Variants in CNGB1 observed in about 807,000 individuals in gnomAD.
CNGB1 encodes the protein cyclic nucleotide gated channel subunit beta 1.
CNGB1 carries 126 observed loss-of-function variants against 151.7 expected under a neutral mutation model. The ratio of observed to expected loss-of-function variants is 0.83; its 90% confidence interval spans 0.72 to 0.96. The LOEUF is 0.96. CNGB1 is among the 40% of genes least tolerant of loss of function. The pLI is 0.00. For missense variants in CNGB1, 1,698 were observed against 1,627.0 expected (o/e 1.04, Z -0.75); for synonymous variants, 623 against 635.1 (o/e 0.98, Z 0.29).
At position 57,887,948 on chromosome 16, in the gene CNGB1, C is replaced by G. The variant is rs778177540; in HGVS notation, c.3369G>C (p.Gly1123=). Residue 1123 remains glycine, a synonymous_variant, in exon 32 of 33, where the codon GGG becomes GGC. Transcript: ENST00000251102. The part of the protein sequence containing the change: ...LAMTGKMGGK[G]AKGGKLAHLR... ...GGTGAGCAAGTTTGCCGCCTTTTGC[C>G]CCCTTGCCACCCATCTTTCCTGTCA... is the stretch of plus-strand genomic sequence containing the variant. 46 of 1,614,086 alleles carry G rather than the reference C, an allele frequency of 2.8e-5. No homozygotes were observed. Among genetic ancestry groups the G allele is most frequent in the Non-Finnish European group, 3.8e-5 (45 of 1,180,042 alleles).
intron 13 of CNGB1, 101 bp downstream of exon 13, chr16:57,950,279 TG>T (rs1218581572): frequency 2.2e-6 from 3 of 1,389,754 alleles, no homozygotes; most frequent in Non-Finnish European, 3.1e-6. Flanking sequence ...GAAGCAGGCT[TG>T]GTTCCTGCTC....
chr16:57,943,102 C>T (rs1214928862), intron 14 of CNGB1, among the ~76,000 whole-genome samples: 1 of 152,016 alleles, frequency 6.6e-6, no homozygotes, highest in Non-Finnish European at 1.5e-5. Flanking sequence ...TGAAGAAACA[C>T]CCTACAGAAC....
At chr16:57,941,438 G>A (rs1362410829) in intron 14 of CNGB1, among the ~76,000 whole-genome samples, 5 of 152,186 alleles carry the variant, frequency 3.3e-5, no homozygotes, top group African/African-American at 7.2e-5. Flanking sequence ...TTGCCTAGTC[G>A]GTCTGGAGCC....
At position 57,922,298 on chromosome 16, in the gene CNGB1, G is replaced by A. The variant is rs572545588; in HGVS notation, c.1643+975C>T. ...GGCAGAGCCCAGGGCCCGGGTATTC[G>A]CCATCCACCAGAGCTTCTCAGATCC... On this transcript the variant is annotated intron_variant, in intron 18 of 32. Coordinates refer to ENST00000251102, the MANE Select transcript of CNGB1 (RefSeq NM_001297.5). 6.6e-5 allele frequency among the ~76,000 whole-genome samples: 10 copies of A among 152,210 alleles called. No homozygotes were observed. In the South Asian group the frequency reaches 1.2e-3, roughly 19 times the overall value.
chr16:57,922,629 A>G (rs1233180097), intron 18 of CNGB1, among the ~76,000 whole-genome samples: 1 of 151,654 alleles, frequency 6.6e-6, no homozygotes, highest in Non-Finnish European at 1.5e-5. Context: ...GGGTTTCACC[A>G]TATTGGTCAG....
intron 14 of CNGB1, among the ~76,000 whole-genome samples, chr16:57,948,247 G>A (rs569503099): frequency 4.0e-5 from 6 of 151,746 alleles, no homozygotes; most frequent in Non-Finnish European, 5.9e-5. Context: ...GCTCCCCATC[G>A]CCTTTGGGAA....
At chr16:57,953,956 G>A (rs1050008500) in intron 12 of CNGB1, among the ~76,000 whole-genome samples, 2 of 152,082 alleles carry the variant, frequency 1.3e-5, no homozygotes, top group Non-Finnish European at 2.9e-5. Flanking sequence ...TCTGGGGTAG[G>A]ACATTTTTCA....
intron 16 of CNGB1, among the ~76,000 whole-genome samples, chr16:57,939,164 T>C (rs17821436): frequency 0.3 from 46,282 of 151,890 alleles, 7,498 homozygotes; most frequent in South Asian, 0.46. Context: ...AGGAGTTGGC[T>C]GGGATCGGGA....
At chr16:57,938,773 G>A (rs897644981) in intron 16 of CNGB1, among the ~76,000 whole-genome samples, 2 of 152,192 alleles carry the variant, frequency 1.3e-5, no homozygotes, top group Non-Finnish European at 2.9e-5. Flanking sequence ...AACACCTGCC[G>A]GCCAGGGGTT....
intron 17 of CNGB1, among the ~76,000 whole-genome samples, chr16:57,928,871 T>G (rs1270950403): frequency 6.6e-6 from 1 of 152,182 alleles, no homozygotes; most frequent in Non-Finnish European, 1.5e-5. Context: ...ACCCCTGACC[T>G]CAGGTGATCC....
chr16:57,961,067 C>A, intron 7 of CNGB1, 152 bp from the exon 8 acceptor site: 1 of 732,190 alleles, frequency 1.4e-6, no homozygotes. Flanking sequence ...CTCAAAGGGC[C>A]CCAAGCGGGT....
At chr16:57,960,406 T>A (rs1246143601) in intron 9 of CNGB1, 76 bp downstream of exon 9, 1 of 1,545,364 alleles carries the variant, frequency 6.5e-7, no homozygotes, top group African/African-American at 1.4e-5. Context: ...TGGGGGATCC[T>A]CCAGGGCCCA....
chr16:57,906,020 T>C (rs1960540450), intron 25 of CNGB1, among the ~76,000 whole-genome samples: 1 of 152,192 alleles, frequency 6.6e-6, no homozygotes, highest in African/African-American at 2.4e-5. Flanking sequence ...CACCTCAGGC[T>C]GAGCCCTCCC....
In CNGB1 at chr16:57,922,431, C is replaced by CTTTCT. The variant is rs765693067; in HGVS notation, c.1643+841_1643+842insAGAAA. On this transcript the variant is annotated intron_variant, in intron 18 of 32. Transcript: ENST00000251102. ...TCTTTCTCTCTTTCTTTCTTTCTTT[C>CTTTCT]TTTTTTTTTTTTTTGAGATGAAGTA... Among the ~76,000 whole-genome samples the CTTTCT allele has an allele frequency of 2.8e-3, 384 of 136,514 alleles. 1 individual carries two copies. The highest frequency in any genetic ancestry group is 8.9e-3 in the African/African-American group (299 of 33,544). The allele number at this position is 136,514 out of a possible 152,430, so 89.6% of individuals were successfully genotyped here.
chr16:57,967,261 A>T lies in CNGB1; in HGVS notation c.26T>A (p.Leu9Gln). The change falls in exon 2 of 33, where the codon CTG becomes CAG. Residue 9 changes from leucine (L) to glutamine (Q), a missense_variant. By Grantham distance (113) the Leu-to-Gln change is moderately radical (BLOSUM62 -2). Coordinates refer to ENST00000251102, the MANE Select transcript of CNGB1 (RefSeq NM_001297.5). ...CCGAGGGGTCCCTGGGGGCTGAGGCAGCACCCTCTGGACCCAGCCCAACAT... is the reference window on the plus strand; with the variant it reads ...CCGAGGGGTCCCTGGGGGCTGAGGCTGCACCCTCTGGACCCAGCCCAACAT... MLGWVQRVLPQPPGTPRKT... is the reference protein window; with the variant it reads MLGWVQRVQPQPPGTPRKT... 1 of 1,614,182 alleles carries T rather than the reference A, an allele frequency of 6.2e-7. No homozygotes were observed. The highest frequency in any genetic ancestry group is 8.5e-7 in the Non-Finnish European group (1 of 1,180,034).
intron 12 of CNGB1, among the ~76,000 whole-genome samples, chr16:57,952,957 G>A (rs1264393583): frequency 6.6e-6 from 1 of 152,206 alleles, no homozygotes; most frequent in Non-Finnish European, 1.5e-5. Context: ...ACAGCCCCCA[G>A]GGCAGGCCCC....
intron 9 of CNGB1, 52 bp downstream of exon 9, chr16:57,960,430 C>G: frequency 6.3e-7 from 1 of 1,597,648 alleles, no homozygotes; most frequent in Non-Finnish European, 8.5e-7. Flanking sequence ...GATCCCTGAG[C>G]CCAGCCCGTG....
chr16:57,918,876 C>A (rs1960950830), intron 20 of CNGB1, among the ~76,000 whole-genome samples: 1 of 152,098 alleles, frequency 6.6e-6, no homozygotes, highest in Non-Finnish European at 1.5e-5. Flanking sequence ...ATTTTTGTAT[C>A]TTTAATAGAG....
At chr16:57,902,228 G>C (rs888945695) in intron 27 of CNGB1, among the ~76,000 whole-genome samples, 3 of 151,364 alleles carry the variant, frequency 2.0e-5, no homozygotes, top group African/African-American at 4.9e-5. Flanking sequence ...CCACCACCAC[G>C]CGGGCTAATT....
Sources: gnomAD v4.1 joint callset for allele counts (sites outside exome capture counted in the v4.1 genomes callset) on GRCh38, gnomAD v4.1.1 for gene constraint, MANE v1.5 for transcripts, NCBI Gene and HGNC (gene_info 2026-07-23, HGNC 2026-07-21) for gene names.